Variants in SAMMSON observed in about 807,000 individuals in gnomAD.
The protein encoded by SAMMSON is survival associated mitochondrial melanoma specific oncogenic non-coding RNA, also known as long intergenic non-protein coding RNA 1212.
chr3:70,021,679 G>GA lies in SAMMSON; in HGVS notation n.417+8014dup, dbSNP rs1025883492. ...CTCAGATTGTGGTGATATTAACAGG[G>GA]AAAAAAACCCATCATCATTATATAT... On this transcript the variant is annotated intron_variant and non_coding_transcript_variant, in intron 3 of 9. Transcript: ENST00000642114. Among the ~76,000 whole-genome samples the GA allele has an allele frequency of 1.1e-4, 16 of 152,056 alleles. No individual in the cohort carries two copies. In the South Asian group the frequency reaches 1.7e-3, roughly 16 times the overall value.
chr3:70,154,106 C>A (rs1306915955), intron 4 of SAMMSON, among the ~76,000 whole-genome samples: 1 of 151,024 alleles, frequency 6.6e-6, no homozygotes, highest in East Asian at 1.9e-4. Context: ...TTTTTTTTTC[C>A]AGCACAGTGT....
intron 7 of SAMMSON, among the ~76,000 whole-genome samples, chr3:70,347,366 G>C (rs1384225964): frequency 1.3e-5 from 2 of 152,148 alleles, no homozygotes; most frequent in African/African-American, 4.8e-5. Context: ...AACAAACTTG[G>C]CTCTTGGCTT....
chr3:70,280,745 C>T (rs111237428), intron 6 of SAMMSON, among the ~76,000 whole-genome samples: 1,642 of 152,200 alleles, frequency 0.011, 23 homozygotes, highest in African/African-American at 0.037. Flanking sequence ...TAGTTTCCCC[C>T]GCCTTTCTGT....
At chr3:70,117,427 T>A (rs2067416126) in intron 4 of SAMMSON, among the ~76,000 whole-genome samples, 1 of 152,226 alleles carries the variant, frequency 6.6e-6, no homozygotes, top group African/African-American at 2.4e-5. Context: ...GAAATGCCAA[T>A]GAACTTGATA....
At chr3:70,102,092 G>A (rs2067348598) in intron 4 of SAMMSON, among the ~76,000 whole-genome samples, 1 of 152,176 alleles carries the variant, frequency 6.6e-6, no homozygotes, top group African/African-American at 2.4e-5. Context: ...AGTCCAGTGA[G>A]CATTCAACGG....
intron 7 of SAMMSON, among the ~76,000 whole-genome samples, chr3:70,296,239 G>A (rs1161951943): frequency 6.6e-6 from 1 of 152,108 alleles, no homozygotes; most frequent in Non-Finnish European, 1.5e-5. Flanking sequence ...CAAATAAGTT[G>A]TAGTTTGAAA....
chr3:70,316,223 T>G (rs1702493445), intron 7 of SAMMSON, among the ~76,000 whole-genome samples: 1 of 152,140 alleles, frequency 6.6e-6, no homozygotes, highest in Non-Finnish European at 1.5e-5. Context: ...TAGAATTAAA[T>G]GCATGAAGCT....
At chr3:70,234,496 A>G (rs1369702572) in intron 4 of SAMMSON, among the ~76,000 whole-genome samples, 1 of 152,080 alleles carries the variant, frequency 6.6e-6, no homozygotes, top group Non-Finnish European at 1.5e-5. Flanking sequence ...AAAAAATAGA[A>G]TAATCAGCCA....
At chr3:70,000,937 C>T (rs187357430) in intron 1 of SAMMSON, among the ~76,000 whole-genome samples, 39 of 152,232 alleles carry the variant, frequency 2.6e-4, no homozygotes, top group African/African-American at 5.8e-4. Context: ...TTTATCTTGC[C>T]GTAAGTCATT....
rs113910553 is a variant in SAMMSON at position 70,272,832 on chromosome 3, G to A, written n.675-18347G>A. Among the ~76,000 whole-genome samples, 55 of 152,040 alleles carry A rather than the reference G, an allele frequency of 3.6e-4. 1 individual carries two copies. Among genetic ancestry groups the A allele is most frequent in the African/African-American group, 1.3e-3 (55 of 41,450 alleles). ...TTTCACGAAGTTAGAATTTTCTTTC[G>A]GCAAGACTTTGGGAAGGAAGGGAAA... is the stretch of plus-strand genomic sequence containing the variant. On this transcript the variant is annotated intron_variant and non_coding_transcript_variant, in intron 6 of 9. Coordinates refer to ENST00000642114, the Ensembl canonical transcript of SAMMSON.
At chr3:70,025,773 G>C (rs1489238805) in intron 3 of SAMMSON, among the ~76,000 whole-genome samples, 1 of 151,976 alleles carries the variant, frequency 6.6e-6, no homozygotes, top group Non-Finnish European at 1.5e-5. Context: ...CTGTTAATAC[G>C]TATTTTGTAT....
intron 4 of SAMMSON, among the ~76,000 whole-genome samples, chr3:70,115,221 A>AG (rs1264823690): frequency 6.6e-6 from 1 of 150,988 alleles, no homozygotes; most frequent in Non-Finnish European, 1.5e-5. Context: ...AAAAAAAAAA[A>AG]AAAAAGAAAG....
chr3:70,339,059 G>A (rs922305125), intron 7 of SAMMSON, among the ~76,000 whole-genome samples: 21 of 152,030 alleles, frequency 1.4e-4, no homozygotes, highest in Non-Finnish European at 2.5e-4. Context: ...CAGAGATATA[G>A]ACCAATGGAA....
At chr3:70,020,437 A>G (rs546209054) in intron 3 of SAMMSON, among the ~76,000 whole-genome samples, 33 of 152,282 alleles carry the variant, frequency 2.2e-4, no homozygotes, top group African/African-American at 6.7e-4. Flanking sequence ...ATTTTCTTCT[A>G]TTAGTCTGCC....
rs562382778 is a variant in SAMMSON at position 70,427,087 on chromosome 3, A to T, written n.234-35473A>T. ...TCACTCAATCTGCCCTCAGTTTAAG[A>T]CAAGAATGAATATTGTGACTCATGT... On this transcript the variant is annotated intron_variant and non_coding_transcript_variant, in intron 2 of 3. Coordinates refer to the SAMMSON transcript ENST00000641053. Among the ~76,000 whole-genome samples, 59 of 152,328 alleles carry T rather than the reference A, an allele frequency of 3.9e-4. 1 individual carries two copies. The highest frequency in any genetic ancestry group is 6.8e-4 in the Non-Finnish European group (46 of 68,034).
intron 3 of SAMMSON, among the ~76,000 whole-genome samples, chr3:70,022,664 C>G (rs2067020643): frequency 6.6e-6 from 1 of 152,130 alleles, no homozygotes; most frequent in Non-Finnish European, 1.5e-5. Flanking sequence ...TTGGACTTAG[C>G]ATCTTACCAT....
chr3:70,149,232 T>C (rs1488608914), intron 4 of SAMMSON, among the ~76,000 whole-genome samples: 1 of 152,152 alleles, frequency 6.6e-6, no homozygotes, highest in Non-Finnish European at 1.5e-5. Flanking sequence ...TTGATTTTGA[T>C]GTAAAGCTGT....
At chr3:70,399,111 G>C (rs1300238809) in intron 2 of SAMMSON, among the ~76,000 whole-genome samples, 1 of 152,142 alleles carries the variant, frequency 6.6e-6, no homozygotes, top group Non-Finnish European at 1.5e-5. Flanking sequence ...TTTTTACTGG[G>C]AGTAAGCAGC....
At chr3:70,342,946 G>C (rs527960051) in intron 7 of SAMMSON, among the ~76,000 whole-genome samples, 5 of 152,284 alleles carry the variant, frequency 3.3e-5, no homozygotes, top group Admixed American at 3.3e-4. Context: ...ATGAGTAGTA[G>C]GTACTAAAAG....
Sources: gnomAD v4.1 joint callset for allele counts (sites outside exome capture counted in the v4.1 genomes callset) on GRCh38, gnomAD v4.1.1 for gene constraint, MANE v1.5 for transcripts, NCBI Gene and HGNC (gene_info 2026-07-23, HGNC 2026-07-21) for gene names.